The following SUGCT variants were observed in gnomAD, a reference collection of about 807,000 sequenced individuals.
SUGCT encodes succinyl-CoA:glutarate-CoA transferase, also known as succinyl-CoA:glutarate CoA-transferase.
SUGCT carries 41 observed loss-of-function variants against 55.0 expected under a neutral mutation model. That is an observed-to-expected ratio of 0.74 (90% CI 0.58 to 0.97). SUGCT has a LOEUF of 0.97. Ranked by LOEUF, SUGCT falls within the 50% of genes least tolerant of loss-of-function variation. SUGCT has a pLI of 0.00. For missense variants in SUGCT, 568 were observed against 547.8 expected (o/e 1.04, Z -0.37); for synonymous variants, 187 against 200.4 (o/e 0.93, Z 0.56).
At chr7:40,830,291 C>G (rs140218475) in intron 13 of SUGCT, among the ~76,000 whole-genome samples, 2 of 152,278 alleles carry the variant, frequency 1.3e-5, no homozygotes, top group African/African-American at 4.8e-5. Flanking sequence ...GCTTGAGTAC[C>G]TAGAAGTTAG....
chr7:40,587,856 G>C (rs1797474174), intron 12 of SUGCT, among the ~76,000 whole-genome samples: 1 of 150,810 alleles, frequency 6.6e-6, no homozygotes, highest in African/African-American at 2.4e-5. Context: ...CTTTTAAACA[G>C]ATATATTTAT....
the SUGCT span, among the ~76,000 whole-genome samples, chr7:41,008,722 A>G: frequency 6.6e-6 from 1 of 151,770 alleles, no homozygotes; most frequent in African/African-American, 2.4e-5. Context: ...CCCAGTCACT[A>G]TAAATGACGC....
chr7:40,858,690 C>T (rs975184981), intron 13 of SUGCT, among the ~76,000 whole-genome samples: 7 of 152,176 alleles, frequency 4.6e-5, no homozygotes, highest in Non-Finnish European at 1.0e-4. Context: ...GTGGACCCTG[C>T]CTCCCAGTGT....
rs73133545 is a variant in SUGCT at position 40,278,841 on chromosome 7, T to A, written c.720+4185T>A. Among the ~76,000 whole-genome samples the A allele has an allele frequency of 8.5e-3, 1,259 of 148,074 alleles. 4 individuals are homozygous for A. The highest frequency in any genetic ancestry group is 0.016 in the African/African-American group (630 of 40,444). ...TCAGATCTTACATTTTTTTTTTTTT[T>A]AAAGAGATACGGTCTCGTGCTTTTG... On this transcript the variant is annotated intron_variant, in intron 8 of 13. Coordinates refer to ENST00000335693, the MANE Select transcript of SUGCT (RefSeq NM_001193313.2).
chr7:40,303,086 T>C (rs1794633773), intron 8 of SUGCT, among the ~76,000 whole-genome samples: 1 of 152,084 alleles, frequency 6.6e-6, no homozygotes, highest in African/African-American at 2.4e-5. Context: ...CAGGCTGGAG[T>C]GCAGTGGTGC....
At chr7:41,008,059 G>A in the SUGCT span, among the ~76,000 whole-genome samples, 3 of 152,276 alleles carry the variant, frequency 2.0e-5, no homozygotes, top group Non-Finnish European at 4.4e-5. Flanking sequence ...GAAAGAGGGT[G>A]GGGGGCAAAA....
chr7:40,712,078 A>C (rs1785755109), intron 12 of SUGCT, among the ~76,000 whole-genome samples: 1 of 152,252 alleles, frequency 6.6e-6, no homozygotes, highest in Non-Finnish European at 1.5e-5. Context: ...AACAGCTGGC[A>C]CTTGAAACTG....
At chr7:40,306,577 T>C (rs188267239) in intron 8 of SUGCT, among the ~76,000 whole-genome samples, 27 of 152,306 alleles carry the variant, frequency 1.8e-4, no homozygotes, top group African/African-American at 6.3e-4. Context: ...TTAGAACTTT[T>C]CAAAACTAGA....
chr7:40,980,459 A>G, the SUGCT span, among the ~76,000 whole-genome samples: 2 of 152,258 alleles, frequency 1.3e-5, no homozygotes, highest in South Asian at 4.2e-4. Flanking sequence ...TATTATCTCT[A>G]AAGTCCAAAG....
At chr7:40,969,302 C>G in the SUGCT span, among the ~76,000 whole-genome samples, 1 of 152,158 alleles carries the variant, frequency 6.6e-6, no homozygotes, top group Non-Finnish European at 1.5e-5. Flanking sequence ...AAGATTATTT[C>G]AAATTTACGT....
chr7:40,552,193 C>A (rs549634277), intron 12 of SUGCT, among the ~76,000 whole-genome samples: 22 of 152,186 alleles, frequency 1.4e-4, no homozygotes, highest in Middle Eastern at 6.8e-3. Context: ...TTTAGTGCAG[C>A]CTGCGACTTG....
chr7:40,204,625 G>A (rs758781802), intron 6 of SUGCT, among the ~76,000 whole-genome samples: 1 of 151,770 alleles, frequency 6.6e-6, no homozygotes, highest in Non-Finnish European at 1.5e-5. Flanking sequence ...TGAAACTGTG[G>A]GATTAAGAAA....
chr7:40,257,522 A>G (rs892014257), intron 7 of SUGCT, among the ~76,000 whole-genome samples: 3 of 152,198 alleles, frequency 2.0e-5, no homozygotes, highest in African/African-American at 7.2e-5. Flanking sequence ...AAAGTAAACC[A>G]GGAGGAAAGA....
chr7:40,907,780 A>G, the SUGCT span, among the ~76,000 whole-genome samples: 1 of 152,184 alleles, frequency 6.6e-6, no homozygotes, highest in Non-Finnish European at 1.5e-5. Context: ...GCCGTTGACA[A>G]TGCCTGAGAC....
chr7:40,153,723 T>C, intron 1 of SUGCT: 2 of 484,046 alleles, frequency 4.1e-6, no homozygotes, highest in South Asian at 1.6e-5. Context: ...TGGTTGTGAA[T>C]AGAGCAGCAA....
At chr7:40,905,703 A>T in the SUGCT span, among the ~76,000 whole-genome samples, 203 of 152,022 alleles carry the variant, frequency 1.3e-3, no homozygotes, top group Non-Finnish European at 2.4e-3. Flanking sequence ...TTACCATTTT[A>T]AATTTTTTTT....
intron 1 of SUGCT, chr7:40,141,973 ACAGG>A (rs1788009736): frequency 4.3e-5 from 9 of 208,068 alleles, no homozygotes; most frequent in Middle Eastern, 3.9e-3. Context: ...TTTAGACCAC[ACAGG>A]CTAAACTAAT....
chr7:40,584,864 C>G (rs1208035639), intron 12 of SUGCT, among the ~76,000 whole-genome samples: 1 of 152,180 alleles, frequency 6.6e-6, no homozygotes, highest in Non-Finnish European at 1.5e-5. Flanking sequence ...CCCAGGGTAT[C>G]TTAACATTCT....
chr7:40,608,789 T>C (rs73689831), intron 12 of SUGCT, among the ~76,000 whole-genome samples: 3,199 of 152,242 alleles, frequency 0.021, 108 homozygotes, highest in African/African-American at 0.07. Flanking sequence ...GAGCCAAAAA[T>C]GGTAAAAAGA....
Sources: gnomAD v4.1 joint callset for allele counts (sites outside exome capture counted in the v4.1 genomes callset) on GRCh38, gnomAD v4.1.1 for gene constraint, MANE v1.5 for transcripts, NCBI Gene and HGNC (gene_info 2026-07-23, HGNC 2026-07-21) for gene names.